The following ADH1B variants were observed in gnomAD, a reference collection of about 807,000 sequenced individuals.
ADH1B encodes alcohol dehydrogenase 1B (class I), beta polypeptide.
A neutral mutation model predicts 34.6 loss-of-function variants in ADH1B; 29 were observed. That is an observed-to-expected ratio of 0.84 (90% CI 0.62 to 1.14). ADH1B has a LOEUF of 1.14. Among genes scored for constraint, ADH1B ranks in the 50% most tolerant of loss-of-function variants. The pLI, the probability that ADH1B is intolerant of heterozygous loss-of-function variation, is 0.00. For missense variants in ADH1B, 424 were observed against 468.4 expected (o/e 0.91, Z 0.87); for synonymous variants, 170 against 175.5 (o/e 0.97, Z 0.25).
In ADH1B at chr4:99,314,007, T is replaced by G. The variant is rs1169460090; in HGVS notation, c.642A>C (p.Ala214=). Residue 214 remains alanine (A), a synonymous_variant, in exon 6 of 9, where the codon GCA becomes GCC. Coordinates refer to ENST00000305046, the MANE Select transcript of ADH1B (RefSeq NM_000668.6). ...VGLSAVMGCK[A]AGAARIIAVD... The stretch of plus-strand genomic sequence containing the variant: ...CCGCAATGATTCTGGCTGCTCCAGC[T>G]GCTTTACAGCCCATAACAGCAGATA... 2.5e-6 allele frequency: 4 copies of G among 1,614,118 alleles called. No homozygotes were observed. The African/African-American group carries it at 5.3e-5, about 22-fold the overall frequency.
Position 99,313,809 on chromosome 4 carries a change from C to A in ADH1B, c.828+12G>T. 1 of 1,614,060 alleles carries A rather than the reference C, an allele frequency of 6.2e-7. No individual in the cohort carries two copies. Among genetic ancestry groups the A allele is most frequent in the African/African-American group, 1.3e-5 (1 of 75,060 alleles). On this transcript the variant is annotated intron_variant, in intron 6 of 8. Transcript: ENST00000305046. ...CAGAGGCAGAAATCTCAGGGCATGT[C>A]ATGGTACATACCATGGTGTCAAGCC... is the stretch of plus-strand genomic sequence containing the variant.
intron 3 of ADH1B, chr4:99,317,318 A>C (rs959830249): frequency 1.3e-5 from 2 of 152,264 alleles, no homozygotes; most frequent in Admixed American, 6.5e-5. Context: ...CCTAGTTATT[A>C]ACCCTTTACT....
intron 3 of ADH1B, chr4:99,316,842 G>C (rs1405810547): frequency 1.4e-5 from 2 of 139,136 alleles, no homozygotes; most frequent in African/African-American, 4.9e-5. Flanking sequence ...AAAAATCCTA[G>C]GTCTTTTTTT....
At chr4:99,310,386 G>A (rs1560526354) in intron 8 of ADH1B, 2 of 444,356 alleles carry the variant, frequency 4.5e-6, no homozygotes, top group Non-Finnish European at 8.9e-6. Flanking sequence ...CAGACACTTA[G>A]TGTCAGCTTT....
At chr4:99,314,893 C>A (rs548954888) in intron 5 of ADH1B, 1 of 152,304 alleles carries the variant, frequency 6.6e-6, no homozygotes, top group East Asian at 1.9e-4. Context: ...TTTATTAAAC[C>A]TAGTCTCCCA....
intron 3 of ADH1B, chr4:99,316,724 T>C (rs1733894861): frequency 6.5e-6 from 1 of 152,850 alleles, no homozygotes; most frequent in African/African-American, 2.4e-5. Flanking sequence ...ATTGGGATGA[T>C]CTGGTATTTT....
chr4:99,320,824 G>C (rs1734006224), intron 1 of ADH1B: 1 of 1,221,940 alleles, frequency 8.2e-7, no homozygotes, highest in Non-Finnish European at 1.0e-6. Flanking sequence ...AAATCAATGA[G>C]TATTTTGTAA....
chr4:99,314,280 A>C (rs1733825583), intron 5 of ADH1B, 199 bp from the exon 6 acceptor site: 5 of 840,624 alleles, frequency 5.9e-6, no homozygotes, highest in Admixed American at 2.9e-5. Context: ...TTTCAAACTG[A>C]TGCATATTAG....
intron 1 of ADH1B, chr4:99,320,987 G>T: frequency 9.5e-7 from 1 of 1,056,130 alleles, no homozygotes; most frequent in South Asian, 1.6e-5. Context: ...AAGATAACTT[G>T]CCATTAAAGA....
At chr4:99,315,772 T>C (rs1733865740) in intron 5 of ADH1B, 126 bp downstream of exon 5, 1 of 1,206,178 alleles carries the variant, frequency 8.3e-7, no homozygotes, top group Non-Finnish European at 1.2e-6. Flanking sequence ...TTCTGGGCCA[T>C]TTTTCTACTC....
At chr4:99,316,399 T>C in intron 3 of ADH1B, 97 bp from the exon 4 acceptor site, 2 of 1,193,884 alleles carry the variant, frequency 1.7e-6, no homozygotes, top group Non-Finnish European at 1.2e-6. Context: ...AGCATGTTTC[T>C]TTAAAAGTCT....
rs1733726815 is a variant in ADH1B at position 99,310,683 on chromosome 4, T to A, written c.1103+82A>T. ...AACCAAGGGACTCTATATTTTCTCATCTTTCCACCTTTTTCATTCTCTGCT... is the reference window on the plus strand; with the variant it reads ...AACCAAGGGACTCTATATTTTCTCAACTTTCCACCTTTTTCATTCTCTGCT... On this transcript the variant is annotated intron_variant, in intron 8 of 8. Transcript: ENST00000305046. 3 of 1,523,828 alleles carry A rather than the reference T, an allele frequency of 2.0e-6. No individual in the cohort carries two copies. The South Asian group carries it at 4.0e-5, about 20-fold the overall frequency. 94.4% of individuals were successfully genotyped at this position (1,523,828 alleles called of 1,614,324 possible). A position where few individuals can be genotyped will look rare whatever the true frequency, so the allele number is the denominator to read the frequency against.
intron 6 of ADH1B, 89 bp downstream of exon 6, chr4:99,313,732 T>C: frequency 1.3e-6 from 2 of 1,593,068 alleles, no homozygotes; most frequent in Non-Finnish European, 8.5e-7. Context: ...ATTAAAAATA[T>C]CCTTTATACA....
In ADH1B at chr4:99,310,922, CATT is replaced by C; in HGVS notation, c.965-22_965-20del. Reference sequence around the variant, plus strand: ...TTAAAGCCTGAAAAGAAGACAGTATCATTGTTGGATTCAGCTAGGGTAAGTAGG... The same window carrying C: ...TTAAAGCCTGAAAAGAAGACAGTATCGTTGGATTCAGCTAGGGTAAGTAGG... On this transcript the variant is annotated intron_variant, in intron 7 of 8. Coordinates refer to ENST00000305046, the MANE Select transcript of ADH1B (RefSeq NM_000668.6). 1 of 1,609,138 alleles carries C rather than the reference CATT, an allele frequency of 6.2e-7. No homozygotes were observed. Among genetic ancestry groups the C allele is most frequent in the Admixed American group, 1.7e-5 (1 of 58,866 alleles).
In ADH1B at chr4:99,306,805, T is replaced by C. The variant is rs999952917; in HGVS notation, c.*1035A>G. ...GACATGGTAGTTAATAGAAAAGTTC[T>C]AGATTGAAAACAATTTTGCAAAAAT... On this transcript the variant is annotated 3_prime_UTR_variant, in exon 9 of 9. Transcript: ENST00000305046. 1 of 152,214 alleles carries C rather than the reference T, an allele frequency of 6.6e-6. No homozygotes were observed. The highest frequency in any genetic ancestry group is 1.5e-5 in the Non-Finnish European group (1 of 68,036). The allele number at this position is 152,214 out of a possible 1,614,324, so 9.4% of individuals were successfully genotyped here.
intron 2 of ADH1B, 78 bp from the exon 3 acceptor site, chr4:99,318,262 T>C: frequency 6.4e-7 from 1 of 1,574,288 alleles, no homozygotes; most frequent in East Asian, 2.2e-5. Context: ...ATTCCTGAAA[T>C]TGTGTTTCTA....
intron 1 of ADH1B, 131 bp downstream of exon 1, chr4:99,321,183 A>G (rs537380458): frequency 1.3e-6 from 1 of 785,686 alleles, no homozygotes; most frequent in African/African-American, 1.7e-5. Flanking sequence ...TGAGGTGTAT[A>G]TTGCATATCA....
At chr4:99,309,679 A>G (rs867504078) in intron 8 of ADH1B, among the ~76,000 whole-genome samples, 9 of 152,170 alleles carry the variant, frequency 5.9e-5, no homozygotes, top group African/African-American at 2.2e-4. Flanking sequence ...TTTAATAGAA[A>G]GTGAATCGAT....
rs1190636600 is a variant in ADH1B, at chr4:99,307,332, TGA to T, written c.*506_*507del. ...CTTGGACCTTCACTACTTGTAAATG[TGA>T]GTCTATCCTTTACCTTACCCTAGCT... is the stretch of plus-strand genomic sequence containing the variant. On this transcript the variant is annotated 3_prime_UTR_variant, in exon 9 of 9. Transcript: ENST00000305046. 1 of 159,066 alleles carries T rather than the reference TGA, an allele frequency of 6.3e-6. No homozygotes were observed. Among genetic ancestry groups the T allele is most frequent in the African/African-American group, 2.4e-5 (1 of 41,492 alleles). 9.9% of individuals were successfully genotyped at this position (159,066 alleles called of 1,614,324 possible). A position where few individuals can be genotyped will look rare whatever the true frequency, so the allele number is the denominator to read the frequency against.
Sources: allele counts gnomAD v4.1 joint callset (sites outside exome capture counted in the v4.1 genomes callset), GRCh38; gene constraint gnomAD v4.1.1; transcripts MANE v1.5; gene names NCBI Gene and HGNC (gene_info 2026-07-23, HGNC 2026-07-21).